EYS: variants seen among roughly 807,000 people sequenced by gnomAD.
EYS encodes protein eyes shut homolog.
In EYS, 250 loss-of-function variants were observed where a neutral mutation model predicts 282.1. That is an observed-to-expected ratio of 0.89 (90% confidence interval 0.80 to 0.98). The LOEUF (loss-of-function observed/expected upper bound fraction) is 0.98. Ranked by LOEUF, EYS falls within the 50% of genes least tolerant of loss-of-function variation. The pLI is 0.00. For missense variants in EYS, 4,016 were observed against 3,709.0 expected, an observed-to-expected ratio of 1.08 and a Z score of -2.15; for synonymous variants, 1,355 against 1,282.9, an observed-to-expected ratio of 1.06 and a Z score of -1.20.
At chr6:64,091,829 C>A (rs781161947) in intron 31 of EYS, among the ~76,000 whole-genome samples, 6 of 152,052 alleles carry the variant, frequency 3.9e-5, no homozygotes, top group African/African-American at 7.2e-5. Flanking sequence ...TATACATGTG[C>A]CATGTTGGTG....
At chr6:65,231,085 G>GTATATATACTTTTATATATATGTATT (rs1766761671) in intron 12 of EYS, among the ~76,000 whole-genome samples, 4 of 91,542 alleles carry the variant, frequency 4.4e-5, no homozygotes, top group Non-Finnish European at 6.8e-5. Context: ...ATATATATGT[G>GTATATATACTTTTATATATATGTATT]TATATATATA....
At chr6:63,965,515 G>A (rs1187035601) in intron 35 of EYS, among the ~76,000 whole-genome samples, 1 of 152,160 alleles carries the variant, frequency 6.6e-6, no homozygotes, top group African/African-American at 2.4e-5. Flanking sequence ...CCTTTGACAA[G>A]CACCCAGGTA....
intron 36 of EYS, among the ~76,000 whole-genome samples, chr6:63,816,791 G>A (rs1227383012): frequency 6.6e-6 from 1 of 152,190 alleles, no homozygotes; most frequent in Non-Finnish European, 1.5e-5. Context: ...ATCCAAAACT[G>A]AAACAAACGT....
At chr6:65,240,793 T>G (rs1283624118) in intron 12 of EYS, among the ~76,000 whole-genome samples, 2 of 152,210 alleles carry the variant, frequency 1.3e-5, no homozygotes, top group African/African-American at 4.8e-5. Context: ...CCTTTGGATA[T>G]ATATCCAGTA....
intron 28 of EYS, among the ~76,000 whole-genome samples, chr6:64,394,900 T>C (rs1180032945): frequency 1.3e-5 from 2 of 152,048 alleles, no homozygotes; most frequent in African/African-American, 2.4e-5. Context: ...AGGGCTTATA[T>C]CCAGAATCTA....
intron 41 of EYS, chr6:63,744,606 C>A (rs2149644484): frequency 6.6e-6 from 1 of 151,996 alleles, no homozygotes; most frequent in South Asian, 2.1e-4. Context: ...TCTGCTCTGT[C>A]ACCCATGTTG....
At chr6:63,798,312 A>T (rs549132810) in intron 37 of EYS, among the ~76,000 whole-genome samples, 100 of 152,308 alleles carry the variant, frequency 6.6e-4, no homozygotes, top group African/African-American at 2.3e-3. Context: ...ATTTTAAAAG[A>T]CTCAAATAAT....
At chr6:64,036,496 C>G (rs574601474) in intron 33 of EYS, among the ~76,000 whole-genome samples, 4 of 152,092 alleles carry the variant, frequency 2.6e-5, no homozygotes, top group African/African-American at 4.8e-5. Flanking sequence ...TAATGTGGAA[C>G]AATTTTAATC....
intron 2 of EYS, among the ~76,000 whole-genome samples, chr6:65,588,399 C>T (rs137904816): frequency 8.4e-4 from 126 of 149,646 alleles, no homozygotes; most frequent in African/African-American, 2.9e-3. Context: ...TGTCATGTGG[C>T]GGGGGGAGTA....
At chr6:65,226,049 T>G (rs1766616890) in intron 12 of EYS, among the ~76,000 whole-genome samples, 1 of 152,048 alleles carries the variant, frequency 6.6e-6, no homozygotes, top group African/African-American at 2.4e-5. Flanking sequence ...AAAACAAAGA[T>G]ATCTCTATTA....
intron 29 of EYS, among the ~76,000 whole-genome samples, chr6:64,357,083 G>C (rs1771847311): frequency 6.6e-6 from 1 of 151,532 alleles, no homozygotes; most frequent in Non-Finnish European, 1.5e-5. Flanking sequence ...TTTATTCAGT[G>C]GTTCTCTTTG....
intron 28 of EYS, among the ~76,000 whole-genome samples, chr6:64,427,783 A>T (rs945155410): frequency 6.6e-6 from 1 of 152,268 alleles, no homozygotes; most frequent in African/African-American, 2.4e-5. Flanking sequence ...ATAACTTTTC[A>T]TTAATAGAAA....
At chr6:64,931,654 T>C (rs1043463811) in intron 15 of EYS, among the ~76,000 whole-genome samples, 7 of 152,044 alleles carry the variant, frequency 4.6e-5, no homozygotes, top group Non-Finnish European at 1.0e-4. Flanking sequence ...TTTTAAATAA[T>C]AAAAACTAAT....
intron 35 of EYS, among the ~76,000 whole-genome samples, chr6:63,970,737 T>C (rs1459196186): frequency 6.6e-6 from 1 of 152,170 alleles, no homozygotes; most frequent in Non-Finnish European, 1.5e-5. Flanking sequence ...ATTGTCTTTC[T>C]CCTTCTCCAC....
intron 5 of EYS, among the ~76,000 whole-genome samples, chr6:65,428,733 G>A (rs1179115511): frequency 6.6e-6 from 1 of 152,078 alleles, no homozygotes; most frequent in Non-Finnish European, 1.5e-5. Context: ...ATTGGGAACT[G>A]AAAATCACTG....
At chr6:63,919,135 C>T (rs1187214011) in intron 35 of EYS, among the ~76,000 whole-genome samples, 5 of 151,900 alleles carry the variant, frequency 3.3e-5, no homozygotes, top group African/African-American at 7.3e-5. Context: ...AGCAGGGCAT[C>T]GCTGAGGAAT....
rs114076040 is a variant in EYS, at chr6:64,051,932, T to C, written c.6725+14406A>G. ...TAAAAGATGGGTGCAGGGGAAAGAG[T>C]GCCAAATGTTCATCTAGTTGTTCTA... is the stretch of plus-strand genomic sequence containing the variant. On this transcript the variant is annotated intron_variant, in intron 33 of 42. Transcript: ENST00000503581. Among the ~76,000 whole-genome samples the C allele has an allele frequency of 2.9e-3, 437 of 152,100 alleles. 2 individuals are homozygous for C. Among genetic ancestry groups the C allele is most frequent in the African/African-American group, 0.01 (420 of 41,524 alleles).
At chr6:64,735,013 A>G (rs1319274211) in intron 22 of EYS, among the ~76,000 whole-genome samples, 1 of 152,190 alleles carries the variant, frequency 6.6e-6, no homozygotes, top group African/African-American at 2.4e-5. Flanking sequence ...AAGACATAAT[A>G]TGCACTATAT....
chr6:64,605,908 T>C (rs1273645095), intron 24 of EYS, among the ~76,000 whole-genome samples: 1 of 152,006 alleles, frequency 6.6e-6, no homozygotes, highest in African/African-American at 2.4e-5. Context: ...TTAGGGAAGC[T>C]TTTCTTAAGT....
Sources: allele counts gnomAD v4.1 joint callset (sites outside exome capture counted in the v4.1 genomes callset), GRCh38; gene constraint gnomAD v4.1.1; transcripts MANE v1.5; gene names NCBI Gene and HGNC (gene_info 2026-07-23, HGNC 2026-07-21).